MAP2K5: variants seen among roughly 807,000 people sequenced by gnomAD.
MAP2K5 encodes the protein dual specificity mitogen-activated protein kinase kinase 5.
MAP2K5 carries 49 observed loss-of-function variants against 83.1 expected under a neutral mutation model. That is an observed-to-expected ratio of 0.59 (90% CI 0.47 to 0.75). MAP2K5 has a LOEUF of 0.75. MAP2K5 is among the 30% of genes least tolerant of loss of function. The probability of loss-of-function intolerance (pLI) is 0.00; values close to 1 mark genes in which losing one functional copy is unlikely to be tolerated. For missense variants in MAP2K5, 457 were observed against 557.5 expected (o/e 0.82, Z 1.82); for synonymous variants, 202 against 191.8 (o/e 1.05, Z -0.44).
In MAP2K5 at chr15:67,748,810, G is replaced by A. The variant is rs1049669842; in HGVS notation, c.1134+209G>A. ...AAACCCTGCAAAAACAGACTATCCC[G>A]CAGGCTGGTCCTCAGGGGCATCAGA... On this transcript the variant is annotated intron_variant, in intron 19 of 21. Coordinates refer to ENST00000178640, the MANE Select transcript of MAP2K5 (RefSeq NM_145160.3). This position sits in a 1 kb window ranked among gnomAD's most constrained non-coding sequence, Gnocchi z 4.0. Among the ~76,000 whole-genome samples, 1 of 152,130 alleles carries A rather than the reference G, an allele frequency of 6.6e-6. No individual in the cohort carries two copies. Among genetic ancestry groups the A allele is most frequent in the Non-Finnish European group, 1.5e-5 (1 of 68,040 alleles).
intron 5 of MAP2K5, 119 bp from the exon 6 acceptor site, chr15:67,586,727 G>A (rs2085299632): frequency 1.1e-6 from 1 of 882,602 alleles, no homozygotes; most frequent in African/African-American, 1.6e-5. Flanking sequence ...CTGTGGGTTT[G>A]TCTAGCAACA....
chr15:67,628,606 G>C, intron 8 of MAP2K5: 3 of 1,270,440 alleles, frequency 2.4e-6, no homozygotes, highest in Non-Finnish European at 3.4e-6. Flanking sequence ...CAAGAAAAGG[G>C]GCTTTGCCTT....
chr15:67,650,333 C>T (rs1329807767), intron 11 of MAP2K5, among the ~76,000 whole-genome samples: 3 of 152,010 alleles, frequency 2.0e-5, no homozygotes, highest in Admixed American at 6.6e-5. Context: ...TGCTTAATTA[C>T]CCTGGCTAGA....
At chr15:67,694,688 G>A (rs1258540303) in intron 15 of MAP2K5, among the ~76,000 whole-genome samples, 3 of 151,994 alleles carry the variant, frequency 2.0e-5, no homozygotes, top group Non-Finnish European at 4.4e-5. Flanking sequence ...AACCATTGTG[G>A]AAGTCAGTGT....
intron 4 of MAP2K5, among the ~76,000 whole-genome samples, chr15:67,583,040 ATTAATAT>A (rs1442237546): frequency 6.6e-6 from 1 of 152,176 alleles, no homozygotes; most frequent in East Asian, 1.9e-4. Context: ...CTGTTAAGGC[ATTAATAT>A]TGCTTTACGC....
At chr15:67,655,140 A>T (rs1355205974) in intron 11 of MAP2K5, among the ~76,000 whole-genome samples, 1 of 151,882 alleles carries the variant, frequency 6.6e-6, no homozygotes, top group East Asian at 1.9e-4. Flanking sequence ...TTATGCTATT[A>T]TTGTCATATA....
intron 2 of MAP2K5, among the ~76,000 whole-genome samples, chr15:67,556,085 C>T (rs1208876257): frequency 6.6e-6 from 1 of 152,208 alleles, no homozygotes; most frequent in Non-Finnish European, 1.5e-5. Context: ...CGTACCTGGC[C>T]AGCTATTTGT....
chr15:67,627,274 T>G (rs1344691878), intron 8 of MAP2K5, among the ~76,000 whole-genome samples: 1 of 152,210 alleles, frequency 6.6e-6, no homozygotes, highest in Admixed American at 6.5e-5. Context: ...AAGTAGTATT[T>G]AGAAATAACC....
intron 8 of MAP2K5, among the ~76,000 whole-genome samples, chr15:67,620,217 A>G (rs1738637112): frequency 6.6e-6 from 1 of 152,140 alleles, no homozygotes; most frequent in African/African-American, 2.4e-5. Context: ...CTAAAAATAC[A>G]AAAATTAGCC....
chr15:67,649,509 A>G (rs1289596546), intron 11 of MAP2K5, among the ~76,000 whole-genome samples: 1 of 152,120 alleles, frequency 6.6e-6, no homozygotes, highest in Non-Finnish European at 1.5e-5. Flanking sequence ...ATTTTTATAT[A>G]TGGTATGAGA....
rs1195968232 is a variant in MAP2K5, at chr15:67,677,692, AAC to A, written c.847+13050_847+13051del. Reference sequence around the variant, plus strand: ...ATTCCTCCAGACCTGGCTTTTCCTAAACACTGACCAGAATATGTACACATCAC... The same window carrying A: ...ATTCCTCCAGACCTGGCTTTTCCTAAACTGACCAGAATATGTACACATCAC... On this transcript the variant is annotated intron_variant, in intron 13 of 21. Transcript: ENST00000178640. This position sits in a 1 kb window ranked among gnomAD's most constrained non-coding sequence, Gnocchi z 4.2. Among the ~76,000 whole-genome samples the A allele has an allele frequency of 1.3e-5, 2 of 152,194 alleles. No individual in the cohort carries two copies. Among genetic ancestry groups the A allele is most frequent in the African/African-American group, 4.8e-5 (2 of 41,438 alleles).
chr15:67,558,306 C>G (rs566965710), intron 2 of MAP2K5, among the ~76,000 whole-genome samples: 4 of 152,126 alleles, frequency 2.6e-5, no homozygotes, highest in African/African-American at 4.8e-5. Context: ...TTTCTATATC[C>G]CATTCATCAG....
intron 11 of MAP2K5, 74 bp downstream of exon 11, chr15:67,646,543 T>C (rs1672808098): frequency 5.4e-6 from 4 of 734,862 alleles, no homozygotes; most frequent in Non-Finnish European, 8.9e-6. Flanking sequence ...GGTTTTGATA[T>C]AGATATCAAA....
chr15:67,569,748 C>T (rs2084913568), intron 3 of MAP2K5, among the ~76,000 whole-genome samples: 1 of 152,144 alleles, frequency 6.6e-6, no homozygotes, highest in East Asian at 1.9e-4. Flanking sequence ...TTGGTGGCAC[C>T]AGGGCACTCT....
At chr15:67,585,075 G>GC (rs2085260908) in intron 4 of MAP2K5, among the ~76,000 whole-genome samples, 1 of 9,752 alleles carries the variant, frequency 1.0e-4, no homozygotes, top group Non-Finnish European at 2.4e-4. Flanking sequence ...TGAGAGAGGA[G>GC]CAAAAAAAAA....
intron 17 of MAP2K5, among the ~76,000 whole-genome samples, chr15:67,743,402 C>T (rs1269672506): frequency 6.6e-6 from 1 of 152,148 alleles, no homozygotes; most frequent in Non-Finnish European, 1.5e-5. Flanking sequence ...GATAGGATTG[C>T]ACAAGTGAAT....
chr15:67,766,618 C>T (rs991321271), intron 19 of MAP2K5, among the ~76,000 whole-genome samples: 1 of 152,216 alleles, frequency 6.6e-6, no homozygotes, highest in African/African-American at 2.4e-5. Flanking sequence ...TACTGTATGC[C>T]TCCCTCCTCA....
In MAP2K5 at chr15:67,719,080, C is replaced by A. The variant is rs865828082; in HGVS notation, c.1045-8836C>A. On this transcript the variant is annotated intron_variant, in intron 16 of 21. Transcript: ENST00000178640. The surrounding 1 kb of genome is among the most constrained non-coding windows in gnomAD (Gnocchi z 4.6). ...AACTACCCTTCCCAGCCTCTGGTAA[C>A]CATCATTCTACTGTCTATCTCCATG... 3.9e-5 allele frequency among the ~76,000 whole-genome samples: 6 copies of A among 152,154 alleles called. No homozygotes were observed. The highest frequency in any genetic ancestry group is 6.5e-5 in the Admixed American group (1 of 15,274).
intron 16 of MAP2K5, among the ~76,000 whole-genome samples, chr15:67,715,445 C>T (rs1204450771): frequency 3.3e-5 from 5 of 152,126 alleles, no homozygotes; most frequent in South Asian, 4.1e-4. Context: ...GTGTTTCCCA[C>T]TGAATAAAGC....
Sources: allele counts gnomAD v4.1 joint callset (sites outside exome capture counted in the v4.1 genomes callset), GRCh38; gene constraint gnomAD v4.1.1; non-coding constraint Gnocchi (gnomAD v3.1); transcripts MANE v1.5; gene names NCBI Gene and HGNC (gene_info 2026-07-23, HGNC 2026-07-21).